PTPN13: variants seen among roughly 807,000 people sequenced by gnomAD.
PTPN13 encodes the protein protein tyrosine phosphatase non-receptor type 13, also known as tyrosine-protein phosphatase non-receptor type 13.
In PTPN13, 191 loss-of-function variants were observed where a neutral mutation model predicts 284.0. The ratio of observed to expected loss-of-function variants is 0.67; its 90% CI spans 0.60 to 0.76. The LOEUF (loss-of-function observed/expected upper bound fraction) is 0.76. Among genes scored for constraint, PTPN13 ranks in the 30% least tolerant of loss-of-function variants. PTPN13 has a pLI of 0.00. For missense variants in PTPN13, 2,797 were observed against 2,939.9 expected (o/e 0.95, Z 1.12); for synonymous variants, 986 against 1,022.3 (o/e 0.96, Z 0.68).
intron 2 of PTPN13, among the ~76,000 whole-genome samples, chr4:86,639,956 C>T (rs1723575279): frequency 6.6e-6 from 1 of 152,064 alleles, no homozygotes; most frequent in Admixed American, 6.6e-5. Context: ...AGTTTGAGAA[C>T]CATTTATAGG....
At chr4:86,740,542 C>G (rs1231386040) in intron 15 of PTPN13, among the ~76,000 whole-genome samples, 2 of 152,124 alleles carry the variant, frequency 1.3e-5, no homozygotes, top group Non-Finnish European at 2.9e-5. Flanking sequence ...ACCATTTTTT[C>G]CTCCTAAACC....
chr4:86,630,532 T>A (rs1722359292), intron 1 of PTPN13, among the ~76,000 whole-genome samples: 2 of 152,180 alleles, frequency 1.3e-5, no homozygotes, highest in African/African-American at 4.8e-5. Context: ...TGTCTCAAAC[T>A]TTTCTATACT....
chr4:86,619,964 T>G (rs549314420), intron 1 of PTPN13, among the ~76,000 whole-genome samples: 2 of 152,138 alleles, frequency 1.3e-5, no homozygotes, highest in Non-Finnish European at 2.9e-5. Flanking sequence ...CATGTATGGA[T>G]TGATAGTGAC....
At chr4:86,599,663 A>G (rs1226465893) in intron 1 of PTPN13, among the ~76,000 whole-genome samples, 2 of 152,182 alleles carry the variant, frequency 1.3e-5, no homozygotes, top group African/African-American at 2.4e-5. Flanking sequence ...TGGCATATAT[A>G]TAATTCCTGT....
intron 28 of PTPN13, 76 bp downstream of exon 28, chr4:86,768,052 AT>A: frequency 7.6e-7 from 1 of 1,307,566 alleles, no homozygotes; most frequent in Non-Finnish European, 1.1e-6. Context: ...TACATGTTGG[AT>A]TACAGTTAAT....
At chr4:86,784,343 G>A (rs1741664918) in intron 37 of PTPN13, 122 bp from the exon 38 acceptor site, 2 of 634,714 alleles carry the variant, frequency 3.2e-6, no homozygotes, top group African/African-American at 3.8e-5. Flanking sequence ...ACTGATCTAA[G>A]GTGGAGAGAT....
chr4:86,670,762 ATT>A (rs1407582272), intron 2 of PTPN13, among the ~76,000 whole-genome samples: 1 of 152,130 alleles, frequency 6.6e-6, no homozygotes, highest in Non-Finnish European at 1.5e-5. Flanking sequence ...CAAGGGAAAT[ATT>A]GTTTTGCTTT....
At position 86,765,393 on chromosome 4, in the gene PTPN13, A is replaced by T; in HGVS notation, c.4150-2A>T. 1 of 1,590,594 alleles carries T rather than the reference A, an allele frequency of 6.3e-7. No individual in the cohort carries two copies. Among genetic ancestry groups the T allele is most frequent in the Non-Finnish European group, 8.6e-7 (1 of 1,167,022 alleles). On this transcript the variant is annotated splice_acceptor_variant, in intron 25 of 47. Transcript: ENST00000411767. LOFTEE classifies it high-confidence loss of function. ...AATATTATTTTGTCTTTTTCTCTTT[A>T]GGGAGGTGTGAATACGAGTGTCAGA...
At chr4:86,630,961 T>C (rs1416638983) in intron 1 of PTPN13, among the ~76,000 whole-genome samples, 2 of 152,180 alleles carry the variant, frequency 1.3e-5, no homozygotes, top group Admixed American at 6.6e-5. Flanking sequence ...GTAATACCTG[T>C]GTTAACCAAA....
chr4:86,660,083 C>G (rs894463344), intron 2 of PTPN13, among the ~76,000 whole-genome samples: 1 of 152,116 alleles, frequency 6.6e-6, no homozygotes, highest in Admixed American at 6.5e-5. Context: ...GATGATCAAT[C>G]TAAGCAATCA....
intron 2 of PTPN13, among the ~76,000 whole-genome samples, chr4:86,643,489 A>G (rs1724057301): frequency 6.6e-6 from 1 of 152,202 alleles, no homozygotes; most frequent in Admixed American, 6.5e-5. Context: ...TAAAAATTAG[A>G]ATTTATAGAC....
intron 26 of PTPN13, among the ~76,000 whole-genome samples, chr4:86,765,828 T>C (rs1282954869): frequency 6.6e-6 from 1 of 151,724 alleles, no homozygotes; most frequent in African/African-American, 2.4e-5. Flanking sequence ...GTTTTTTTTG[T>C]TGTTGTTTTT....
chr4:86,772,746 T>G (rs1486692268), intron 31 of PTPN13, 32 bp from the exon 32 acceptor site: 1 of 1,539,968 alleles, frequency 6.5e-7, no homozygotes, highest in East Asian at 2.3e-5. Context: ...TGAAATGTAT[T>G]TAAAAATAGT....
intron 23 of PTPN13, among the ~76,000 whole-genome samples, chr4:86,759,730 A>G (rs370903584): frequency 6.6e-6 from 1 of 152,198 alleles, no homozygotes; most frequent in Non-Finnish European, 1.5e-5. Context: ...GAACCTTCTA[A>G]GCCTCACTGT....
At chr4:86,795,007 A>T (rs1361416359) in intron 40 of PTPN13, among the ~76,000 whole-genome samples, 2 of 152,236 alleles carry the variant, frequency 1.3e-5, no homozygotes, top group African/African-American at 2.4e-5. Flanking sequence ...TCATGACTAA[A>T]ACAACAAAAG....
Position 86,732,440 on chromosome 4 carries a change from C to A in PTPN13, c.1649C>A (p.Pro550Gln). 6.2e-7 allele frequency: 1 copy of A among 1,601,174 alleles called. No individual in the cohort carries two copies. Among genetic ancestry groups the A allele is most frequent in the Admixed American group, 1.7e-5 (1 of 58,568 alleles). Residue 550 changes from proline (P) to glutamine (Q), a missense_variant, in exon 11 of 48, where the codon CCA (proline) becomes CAA (glutamine). Physicochemically the swap from Pro to Gln is moderately conservative, Grantham distance 76. Coordinates refer to ENST00000411767, the MANE Select transcript of PTPN13 (RefSeq NM_080683.3). ...GAGTTTGTGAAAATGACAATTGAAC[C>A]ATTTATATCTTTGGATTTGCCACGG... ...GPEFVKMTIE[P>Q]FISLDLPRSI... is the part of the protein sequence containing the mutation.
chr4:86,639,249 C>G (rs1207724023), intron 2 of PTPN13, among the ~76,000 whole-genome samples: 2 of 151,948 alleles, frequency 1.3e-5, no homozygotes, highest in Non-Finnish European at 2.9e-5. Context: ...CTAGTTCAAC[C>G]ATTGTGGAAG....
At chr4:86,649,751 T>G (rs1026354058) in intron 2 of PTPN13, among the ~76,000 whole-genome samples, 8 of 152,164 alleles carry the variant, frequency 5.3e-5, no homozygotes, top group Non-Finnish European at 1.5e-5. Flanking sequence ...TTTTGTTCTA[T>G]CTCTGTGAAG....
At position 86,669,289 on chromosome 4, in the gene PTPN13, A is replaced by G. The variant is rs1324407025; in HGVS notation, c.116-3076A>G. Among the ~76,000 whole-genome samples, 5 of 84,312 alleles carry G rather than the reference A, an allele frequency of 5.9e-5. No individual in the cohort carries two copies. The South Asian group carries it at 9.4e-4, about 16-fold the overall frequency. The allele number at this position is 84,312 out of a possible 152,430, so 55.3% of individuals were successfully genotyped here. On this transcript the variant is annotated intron_variant, in intron 2 of 47. Coordinates refer to ENST00000411767, the MANE Select transcript of PTPN13 (RefSeq NM_080683.3). ...CTGTAATGTTGGGAAGAAGATGTAT[A>G]TATATATATATATATATATATATAT...
Sources: allele counts gnomAD v4.1 joint callset (sites outside exome capture counted in the v4.1 genomes callset), GRCh38; gene constraint gnomAD v4.1.1; transcripts MANE v1.5; gene names NCBI Gene and HGNC (gene_info 2026-07-23, HGNC 2026-07-21).